PIWIL2: variants seen among roughly 807,000 people sequenced by gnomAD.
The protein encoded by PIWIL2 is piwi-like protein 2.
A neutral mutation model predicts 116.5 loss-of-function variants in PIWIL2; 81 were observed. That is an observed-to-expected ratio of 0.70 (90% CI 0.58 to 0.84). The LOEUF is 0.84. Ranked by LOEUF, PIWIL2 falls within the 40% of genes least tolerant of loss-of-function variation. PIWIL2 has a pLI of 0.00. For missense variants in PIWIL2, 1,272 were observed against 1,212.3 expected, an observed-to-expected ratio of 1.05 and a Z score of -0.73; for synonymous variants, 489 against 429.5, an observed-to-expected ratio of 1.14 and a Z score of -1.71.
At chr8:22,340,045 A>ATTTTTTTTT (rs10626386) in intron 20 of PIWIL2, among the ~76,000 whole-genome samples, 24 of 93,770 alleles carry the variant, frequency 2.6e-4, no homozygotes, top group Non-Finnish European at 3.3e-4. Flanking sequence ...TATAAAAAGA[A>ATTTTTTTTT]TTTTTTTTTT....
chr8:22,281,343 A>G (rs775737981), intron 3 of PIWIL2, 34 bp from the exon 4 acceptor site: 11 of 1,595,400 alleles, frequency 6.9e-6, no homozygotes, highest in Non-Finnish European at 9.4e-6. Context: ...CGTTTAAGTC[A>G]TAGTCATTGC....
chr8:22,346,097 A>T (rs1433201455), intron 20 of PIWIL2, among the ~76,000 whole-genome samples: 2 of 152,182 alleles, frequency 1.3e-5, no homozygotes, highest in Non-Finnish European at 2.9e-5. Context: ...GCTGGCTCAC[A>T]TCTGTAATCC....
At chr8:22,321,038 A>T (rs995744679) in intron 20 of PIWIL2, among the ~76,000 whole-genome samples, 1 of 152,174 alleles carries the variant, frequency 6.6e-6, no homozygotes, top group Non-Finnish European at 1.5e-5. Context: ...GTCAATTAAC[A>T]GTTTGTTTTG....
chr8:22,320,335 C>T (rs1011073045), intron 20 of PIWIL2, among the ~76,000 whole-genome samples: 8 of 146,176 alleles, frequency 5.5e-5, no homozygotes, highest in South Asian at 2.2e-4. Context: ...GCAATCTCAG[C>T]TTACCACAAC....
chr8:22,326,659 G>A lies in PIWIL2; in HGVS notation c.2403+8384G>A, dbSNP rs140355870. Among the ~76,000 whole-genome samples, 222 of 152,240 alleles carry A rather than the reference G, an allele frequency of 1.5e-3. 1 individual carries two copies. Among genetic ancestry groups the A allele is most frequent in the African/African-American group, 5.1e-3 (213 of 41,542 alleles). On this transcript the variant is annotated intron_variant, in intron 20 of 22. Transcript: ENST00000356766. ...GTTTTCAAGGTTTATCTGTGTTGTA[G>A]CATATATTAATACTTTTTTCCTTTT...
At chr8:22,306,105 A>G (rs1831171520) in intron 13 of PIWIL2, 89 bp downstream of exon 13, 1 of 866,560 alleles carries the variant, frequency 1.2e-6, no homozygotes, top group African/African-American at 1.7e-5. Flanking sequence ...GCCACGTTCC[A>G]ACTCTGATGT....
At chr8:22,287,506 A>G in intron 6 of PIWIL2, 22 bp from the exon 7 acceptor site, 1 of 1,505,240 alleles carries the variant, frequency 6.6e-7, no homozygotes, top group Non-Finnish European at 9.3e-7. Flanking sequence ...GTTAAAGGAA[A>G]ATCCTCTTCA....
chr8:22,319,676 A>G (rs572283467), intron 20 of PIWIL2, among the ~76,000 whole-genome samples: 1 of 152,328 alleles, frequency 6.6e-6, no homozygotes, highest in South Asian at 2.1e-4. Flanking sequence ...CCATTTCTCC[A>G]TGTGGGCCTT....
intron 6 of PIWIL2, 75 bp downstream of exon 6, chr8:22,284,347 A>G: frequency 1.3e-6 from 1 of 742,328 alleles, no homozygotes; most frequent in Non-Finnish European, 2.3e-6. Context: ...GAATAACTGA[A>G]TATTGTCCTG....
At chr8:22,287,688 G>C in intron 7 of PIWIL2, 43 bp downstream of exon 7, 2 of 1,220,074 alleles carry the variant, frequency 1.6e-6, no homozygotes, top group Non-Finnish European at 2.4e-6. Context: ...AACCCTAAGA[G>C]TGCTCTGGCG....
intron 20 of PIWIL2, among the ~76,000 whole-genome samples, chr8:22,321,235 A>T (rs1340131744): frequency 6.6e-6 from 1 of 151,936 alleles, no homozygotes; most frequent in East Asian, 2.0e-4. Context: ...CTCATCCTCC[A>T]GAGTAGCAGG....
rs183447013 is a variant in PIWIL2 at position 22,341,429 on chromosome 8, C to T, written c.2404-11530C>T. Among the ~76,000 whole-genome samples the T allele has an allele frequency of 4.3e-3, 655 of 152,020 alleles. 6 individuals are homozygous for T. The highest frequency in any genetic ancestry group is 0.015 in the African/African-American group (632 of 41,492). On this transcript the variant is annotated intron_variant, in intron 20 of 22. Transcript: ENST00000356766. ...TGACCAACATGGAGAAACCCCGTCT[C>T]TACTAAAAATACAAAATTAGCTGGG...
In PIWIL2 at chr8:22,355,679, A is replaced by G. The variant is rs1474479923; in HGVS notation, c.*174A>G. 5 of 642,220 alleles carry G rather than the reference A, an allele frequency of 7.8e-6. No homozygotes were observed. The highest frequency in any genetic ancestry group is 1.3e-5 in the Non-Finnish European group (5 of 379,164). The allele number at this position is 642,220 out of a possible 1,614,324, so 39.8% of individuals were successfully genotyped here. A position where few individuals can be genotyped will look rare whatever the true frequency, so the allele number is the denominator to read the frequency against. On this transcript the variant is annotated 3_prime_UTR_variant, in exon 23 of 23. Transcript: ENST00000356766. ...TTTAAACCTAATATCACCAAGAAGC[A>G]AGTTTCTGAGTAACAGCTGAAAATG...
rs183256715 is a variant in PIWIL2, at chr8:22,316,856, C to T, written c.2297+523C>T. On this transcript the variant is annotated intron_variant, in intron 19 of 22. Coordinates refer to ENST00000356766, the MANE Select transcript of PIWIL2 (RefSeq NM_018068.5). ...CCACTGGAGTGCAGTGGCATGATCA[C>T]AGCTCACTGCAACCTCAACCTCCCT... Among the ~76,000 whole-genome samples the T allele has an allele frequency of 2.8e-3, 431 of 151,434 alleles. 7 individuals are homozygous for T. The highest frequency in any genetic ancestry group is 6.6e-4 in the Non-Finnish European group (45 of 67,868).
intron 10 of PIWIL2, among the ~76,000 whole-genome samples, chr8:22,302,245 G>C (rs529389701): frequency 3.0e-4 from 45 of 152,030 alleles, no homozygotes; most frequent in Non-Finnish European, 6.5e-4. Context: ...GCAGTGGCGC[G>C]ATCTTGGCTC....
At chr8:22,318,087 G>A (rs892333591) in intron 19 of PIWIL2, 83 bp from the exon 20 acceptor site, 2 of 785,296 alleles carry the variant, frequency 2.5e-6, no homozygotes, top group African/African-American at 1.7e-5. Flanking sequence ...AGAAACCTGT[G>A]TTACTGACAT....
chr8:22,284,488 G>A (rs942146710), intron 6 of PIWIL2, among the ~76,000 whole-genome samples: 2 of 152,180 alleles, frequency 1.3e-5, no homozygotes, highest in Non-Finnish European at 2.9e-5. Context: ...TTCATAGGGT[G>A]TAGATTTATA....
At chr8:22,327,344 TGTTTTTTGTGGG>T (rs1344067450) in intron 20 of PIWIL2, among the ~76,000 whole-genome samples, 1 of 149,430 alleles carries the variant, frequency 6.7e-6, no homozygotes, top group African/African-American at 2.5e-5. Flanking sequence ...AAATCATCAC[TGTTTTTTGTGGG>T]GTTTTTTGTT....
At position 22,281,433 on chromosome 8, in the gene PIWIL2, G is replaced by A. The variant is rs1437231997; in HGVS notation, c.343G>A (p.Glu115Lys). 1 of 1,605,820 alleles carries A rather than the reference G, an allele frequency of 6.2e-7. No homozygotes were observed. Among genetic ancestry groups the A allele is most frequent in the Non-Finnish European group, 8.5e-7 (1 of 1,178,214 alleles). ...SANLVRKDREELSPTFWDPKV... is the reference protein window; with the variant it reads ...SANLVRKDREKLSPTFWDPKV... Reference sequence around the variant, plus strand: ...TAATCTGGTACGCAAGGACAGGGAGGAACTCTCTCCCACTTTTTGGGATCC... The same window carrying A: ...TAATCTGGTACGCAAGGACAGGGAGAAACTCTCTCCCACTTTTTGGGATCC... The change falls in exon 4 of 23, where the codon GAA becomes AAA. Residue 115 changes from glutamate to lysine, a missense_variant. Physicochemically the swap from Glu to Lys is moderately conservative, Grantham distance 56. Transcript: ENST00000356766.
Sources: gnomAD v4.1 joint callset for allele counts (sites outside exome capture counted in the v4.1 genomes callset) on GRCh38, gnomAD v4.1.1 for gene constraint, MANE v1.5 for transcripts, NCBI Gene and HGNC (gene_info 2026-07-23, HGNC 2026-07-21) for gene names.